The following MCF2L variants were observed in gnomAD, a reference collection of about 807,000 sequenced individuals.
MCF2L encodes guanine nucleotide exchange factor DBS.
A neutral mutation model predicts 153.4 loss-of-function variants in MCF2L; 97 were observed. The ratio of observed to expected loss-of-function variants is 0.63; its 90% CI spans 0.54 to 0.75. The LOEUF (loss-of-function observed/expected upper bound fraction) is 0.75. Among genes scored for constraint, MCF2L ranks in the 30% least tolerant of loss-of-function variants. The pLI is 0.00. For synonymous variants in MCF2L, 659 were observed against 632.2 expected, an observed-to-expected ratio of 1.04 and a Z score of -0.64; for missense variants, 1,347 against 1,495.2, an observed-to-expected ratio of 0.90 and a Z score of 1.64.
At chr13:112,942,269 G>C (rs1281575268) in intron 2 of MCF2L, among the ~76,000 whole-genome samples, 2 of 152,154 alleles carry the variant, frequency 1.3e-5, no homozygotes, top group African/African-American at 4.8e-5. Context: ...AAAAGTCTCT[G>C]ATAAGCAGAA....
At chr13:113,041,646 C>G (rs1470175716) in intron 3 of MCF2L, among the ~76,000 whole-genome samples, 1 of 152,194 alleles carries the variant, frequency 6.6e-6, no homozygotes, top group Non-Finnish European at 1.5e-5. Context: ...ATCCTCACGT[C>G]AGAGGCTTTT....
chr13:113,075,004 G>T lies in MCF2L; in HGVS notation c.1123G>T (p.Val375Leu). 1 of 1,598,894 alleles carries T rather than the reference G, an allele frequency of 6.3e-7. No homozygotes were observed. Residue 375 changes from valine to leucine, a missense_variant, in exon 11 of 30, where the codon GTG becomes TTG. Val to Leu is a conservative substitution (Grantham distance 32). This residue lies in a region of MCF2L where 820 missense variants were observed against 921.2 expected (regional missense o/e 0.89). Transcript: ENST00000535094. ...ASFEEKSGVAVERARALSLDG... is the reference protein window; with the variant it reads ...ASFEEKSGVALERARALSLDG... ...TCTGGGTGGCCGTCCACAGGTGGCC[G>T]TGGAGAGGGCCCGGGCCCTGTCTCT...
intron 5 of MCF2L, among the ~76,000 whole-genome samples, chr13:113,062,302 G>A (rs1467751833): frequency 2.0e-5 from 3 of 152,116 alleles, no homozygotes; most frequent in Middle Eastern, 3.4e-3. Flanking sequence ...CTCTCGTGAT[G>A]GCGTGTGCAG....
chr13:112,985,583 C>CTCTGTG, intron 1 of MCF2L: 1 of 418,602 alleles, frequency 2.4e-6, no homozygotes, highest in African/African-American at 2.0e-5. Flanking sequence ...GTGGATGCCC[C>CTCTGTG]GTGCTCCACA....
intron 2 of MCF2L, among the ~76,000 whole-genome samples, chr13:112,948,473 C>G (rs1048165922): frequency 1.5e-4 from 23 of 152,340 alleles, no homozygotes; most frequent in Admixed American, 1.3e-4. Flanking sequence ...TAGTTCATCA[C>G]TCTTAAGCTC....
At chr13:113,042,046 A>C (rs2086528617) in intron 3 of MCF2L, among the ~76,000 whole-genome samples, 1 of 152,180 alleles carries the variant, frequency 6.6e-6, no homozygotes, top group Non-Finnish European at 1.5e-5. Flanking sequence ...CTGTTGGCAC[A>C]GTGCCTGGTC....
intron 1 of MCF2L, 102 bp from the exon 2 acceptor site, chr13:113,014,661 A>T: frequency 1.1e-6 from 1 of 890,576 alleles, no homozygotes; most frequent in Middle Eastern, 2.6e-4. Context: ...CCACTCCCGT[A>T]GGTGCCTGTG....
intron 1 of MCF2L, among the ~76,000 whole-genome samples, chr13:112,978,045 A>G (rs1427276659): frequency 6.6e-6 from 1 of 152,186 alleles, no homozygotes; most frequent in African/African-American, 2.4e-5. Context: ...CTGCATTCCA[A>G]TCTGGGGGAT....
Position 112,960,300 on chromosome 13 carries a change from G to A in MCF2L, c.170-54463G>A, listed in dbSNP as rs367881772. On this transcript the variant is annotated intron_variant, in intron 2 of 29. Coordinates refer to the MCF2L transcript ENST00000375608. The surrounding 1 kb of genome is among the most constrained non-coding windows in gnomAD (Gnocchi z 4.2). ...GAGAGACCGAGAGGGGGCCAAGCGCGCTCTCACAACTGAAACAGCGCTCGT... is the reference window on the plus strand; with the variant it reads ...GAGAGACCGAGAGGGGGCCAAGCGCACTCTCACAACTGAAACAGCGCTCGT... Among the ~76,000 whole-genome samples, 1 of 152,154 alleles carries A rather than the reference G, an allele frequency of 6.6e-6. No homozygotes were observed. Among genetic ancestry groups the A allele is most frequent in the Non-Finnish European group, 1.5e-5 (1 of 68,034 alleles).
chr13:112,918,079 G>A (rs1363768873), intron 2 of MCF2L, among the ~76,000 whole-genome samples: 6 of 152,236 alleles, frequency 3.9e-5, no homozygotes, highest in African/African-American at 1.4e-4. Flanking sequence ...TCACCTAGTT[G>A]GGTGTTAACC....
At chr13:112,915,808 A>T (rs2081285671) in intron 2 of MCF2L, among the ~76,000 whole-genome samples, 1 of 152,110 alleles carries the variant, frequency 6.6e-6, no homozygotes, top group South Asian at 2.1e-4. Context: ...AGGTTTGGTG[A>T]TGCTGCCTTC....
At chr13:113,084,698 G>A in intron 18 of MCF2L, 194 bp from the exon 19 acceptor site, 1 of 596,200 alleles carries the variant, frequency 1.7e-6, no homozygotes, top group Admixed American at 3.0e-5. Context: ...ATGGAGGGCA[G>A]GCCCCCCAGC....
intron 1 of MCF2L, chr13:113,009,119 C>G (rs747799170): frequency 6.6e-6 from 1 of 152,256 alleles, no homozygotes; most frequent in East Asian, 1.9e-4. Flanking sequence ...GAGGGTTCTG[C>G]GGGGCGGCTG....
Position 112,993,985 on chromosome 13 carries a change from AGGAGGGGTGG to A in MCF2L, c.80-20775_80-20766del, listed in dbSNP as rs1479653825. 8.2e-5 allele frequency among the ~76,000 whole-genome samples: 5 copies of A among 60,772 alleles called. No homozygotes were observed. Among genetic ancestry groups the A allele is most frequent in the Non-Finnish European group, 9.2e-5 (3 of 32,514 alleles). 39.9% of individuals were successfully genotyped at this position (60,772 alleles called of 152,430 possible). On this transcript the variant is annotated intron_variant, in intron 1 of 29. Coordinates refer to ENST00000535094, the MANE Select transcript of MCF2L (RefSeq NM_001112732.3). The surrounding 1 kb of genome is among the most constrained non-coding windows in gnomAD (Gnocchi z 4.6). The stretch of plus-strand genomic sequence containing the variant: ...CACACCTTCATTTTAAAGACAGCAG[AGGAGGGGTGG>A]GGTGGGAGGGCAGTACCCAGGACAG...
Position 112,904,347 on chromosome 13 carries a change from G to C in MCF2L, c.169+1976G>C, listed in dbSNP as rs1053811654. 2.6e-5 allele frequency among the ~76,000 whole-genome samples: 4 copies of C among 152,150 alleles called. No homozygotes were observed. The highest frequency in any genetic ancestry group is 7.2e-5 in the African/African-American group (3 of 41,434). ...TCCACCGTGCACCAGCCGTGGAGCA[G>C]AGCCTGGGCCCACGCTCTGGCTTTG... On this transcript the variant is annotated intron_variant, in intron 2 of 29. Transcript: ENST00000375608. This position sits in a 1 kb window ranked among gnomAD's most constrained non-coding sequence, Gnocchi z 4.2.
intron 2 of MCF2L, among the ~76,000 whole-genome samples, chr13:112,959,620 T>C (rs544970646): frequency 1.3e-5 from 2 of 152,214 alleles, no homozygotes; most frequent in Admixed American, 1.3e-4. Flanking sequence ...CATGTTTCCA[T>C]GCGTTTGACT....
intron 2 of MCF2L, among the ~76,000 whole-genome samples, chr13:112,961,949 GC>G (rs1241972999): frequency 2.0e-5 from 3 of 152,090 alleles, no homozygotes; most frequent in African/African-American, 7.2e-5. Flanking sequence ...TTCTGCCTGC[GC>G]CAGCTTCTCC....
At position 113,075,055 on chromosome 13, in the gene MCF2L, A is replaced by C; in HGVS notation, c.1174A>C (p.Lys392Gln). The part of the protein sequence containing the change: ...SLDGEQLIGN[K>Q]HYAVDSIRPK... ...GGACGGCGAGCAGCTCATTGGGAAC[A>C]AGCACTACGCGGTAGACTCCATCCG... is the stretch of plus-strand genomic sequence containing the variant. The change falls in exon 11 of 30, where the codon AAG becomes CAG. Residue 392 changes from lysine (K) to glutamine (Q), a missense_variant. Coordinates refer to ENST00000535094, the MANE Select transcript of MCF2L (RefSeq NM_001112732.3). The C allele has an allele frequency of 6.2e-7, 1 of 1,613,452 alleles. No homozygotes were observed.
upstream of MCF2L, among the ~76,000 whole-genome samples, chr13:112,966,448 T>C (rs2081894409): frequency 6.6e-6 from 1 of 152,220 alleles, no homozygotes; most frequent in Non-Finnish European, 1.5e-5. This position sits in a 1 kb window ranked among gnomAD's most constrained non-coding sequence, Gnocchi z 4.1. Flanking sequence ...ACCCACGTTA[T>C]GTCACACACC....
Sources: allele counts gnomAD v4.1 joint callset (sites outside exome capture counted in the v4.1 genomes callset), GRCh38; gene constraint gnomAD v4.1.1; regional missense constraint gnomAD v4.1.1; non-coding constraint Gnocchi (gnomAD v3.1); transcripts MANE v1.5; gene names NCBI Gene and HGNC (gene_info 2026-07-23, HGNC 2026-07-21).